Variants in ABCC10 observed in about 807,000 individuals in gnomAD.
ABCC10 encodes the protein ATP binding cassette subfamily C member 10.
ABCC10 carries 110 observed loss-of-function variants against 143.2 expected under a neutral mutation model. That is an observed-to-expected ratio of 0.77 (90% CI 0.66 to 0.90). ABCC10 has a LOEUF of 0.90. Ranked by LOEUF, ABCC10 falls within the 40% of genes least tolerant of loss-of-function variation. The pLI is 0.00. For synonymous variants in ABCC10, 805 were observed against 846.7 expected (o/e 0.95, Z 0.85); for missense variants, 1,700 against 1,900.5 (o/e 0.89, Z 1.96).
chr6:43,435,813 GA>G lies in ABCC10; in HGVS notation c.1672del (p.Ile558SerfsTer66). ...ILPLNNFPWV[I>X]NGLLEAKVSL... Reference sequence around the variant, plus strand: ...TTCCTCTCAACAACTTCCCTTGGGTGATCAATGGTCTCCTGGAGGCCAAAGT... The same window carrying G: ...TTCCTCTCAACAACTTCCCTTGGGTGTCAATGGTCTCCTGGAGGCCAAAGT... On this transcript the variant is annotated frameshift_variant, in exon 5 of 22. Transcript: ENST00000372530. LOFTEE classifies it high-confidence loss of function. 2 of 1,614,222 alleles carry G rather than the reference GA, an allele frequency of 1.2e-6. No homozygotes were observed. Among genetic ancestry groups the G allele is most frequent in the Non-Finnish European group, 1.7e-6 (2 of 1,180,044 alleles).
rs770257218 is a variant in ABCC10 at position 43,432,623 on chromosome 6, G to A, written c.643G>A (p.Glu215Lys). Reference sequence around the variant, plus strand: ...CGAGGATCAAGAACCTGAGGTGGCTGAAGATGGGGAGAGTTGGCTGTCACG... The same window carrying A: ...CGAGGATCAAGAACCTGAGGTGGCTAAAGATGGGGAGAGTTGGCTGTCACG... Reference protein sequence around the residue: ...LPEDQEPEVAEDGESWLSRFS... With the variant: ...LPEDQEPEVAKDGESWLSRFS... Residue 215 changes from glutamate to lysine, a missense_variant, in exon 3 of 22, where the codon GAA becomes AAA. Physicochemically the swap from Glu to Lys is moderately conservative, Grantham distance 56. Coordinates refer to ENST00000372530, the MANE Select transcript of ABCC10 (RefSeq NM_001198934.2). 2 of 1,613,808 alleles carry A rather than the reference G, an allele frequency of 1.2e-6. No homozygotes were observed. The highest frequency in any genetic ancestry group is 1.7e-6 in the Non-Finnish European group (2 of 1,180,042).
At position 43,448,999 on chromosome 6, in the gene ABCC10, C is replaced by T. The variant is rs1322281125; in HGVS notation, c.4078C>T (p.His1360Tyr). The T allele has an allele frequency of 6.2e-7, 1 of 1,613,974 alleles. No individual in the cohort carries two copies. The highest frequency in any genetic ancestry group is 8.5e-7 in the Non-Finnish European group (1 of 1,179,968). Reference protein sequence around the residue: ...RALWQALKQCHLSEVITSMGG... With the variant: ...RALWQALKQCYLSEVITSMGG... ...CTTGTGGCAGGCCCTGAAGCAGTGCCACCTGAGTGAGGTGATTACATCCAT... is the reference window on the plus strand; with the variant it reads ...CTTGTGGCAGGCCCTGAAGCAGTGCTACCTGAGTGAGGTGATTACATCCAT... Residue 1360 changes from histidine (H) to tyrosine (Y), a missense_variant, in exon 19 of 22, where the codon CAC becomes TAC. By Grantham distance (83) the His-to-Tyr change is moderately conservative. Coordinates refer to ENST00000372530, the MANE Select transcript of ABCC10 (RefSeq NM_001198934.2).
chr6:43,445,776 C>T lies in ABCC10; in HGVS notation c.3208C>T (p.Leu1070=). The T allele has an allele frequency of 6.2e-7, 1 of 1,614,156 alleles. No individual in the cohort carries two copies. The highest frequency in any genetic ancestry group is 8.5e-7 in the Non-Finnish European group (1 of 1,180,036). The change falls in exon 15 of 22, where the codon CTG becomes TTG. Residue 1070 remains leucine, a synonymous_variant. Transcript: ENST00000372530. ...LGSGLPWLLL[L]LPPLSIMYYH... ...CTCTGGCCTGCCCTGGCTGCTGCTC[C>T]TGCTGCCGCCTTTGAGCATCATGTA...
rs527956667 is a variant in ABCC10 at position 43,444,938 on chromosome 6, A to G, written c.2840A>G (p.Tyr947Cys). 2.5e-6 allele frequency: 4 copies of G among 1,610,138 alleles called. No individual in the cohort carries two copies. The South Asian group carries it at 4.4e-5, about 18-fold the overall frequency. The change falls in exon 13 of 22, where the codon TAC becomes TGC. Residue 947 changes from tyrosine (Y) to cysteine (C), a missense_variant and splice_region_variant. Physicochemically the swap from Tyr to Cys is radical, Grantham distance 194. Coordinates refer to ENST00000372530, the MANE Select transcript of ABCC10 (RefSeq NM_001198934.2). The part of the protein sequence containing the change: ...QLLLFSPGNL[Y>C]IPVFPLPKAA... ...CTCCTCTTTTCCCCTGGAAACCTCT[A>G]GTGAGTGGCTGGGGCTGGGGGTAGG...
At chr6:43,436,323 C>T (rs925662221) in intron 6 of ABCC10, 76 bp downstream of exon 6, 5 of 1,531,734 alleles carry the variant, frequency 3.3e-6, no homozygotes, top group African/African-American at 2.7e-5. Context: ...GAAGCAGTGA[C>T]CGAGCCAATC....
intron 16 of ABCC10, 41 bp from the exon 17 acceptor site, chr6:43,447,207 G>A: frequency 3.8e-6 from 6 of 1,596,532 alleles, no homozygotes; most frequent in Non-Finnish European, 5.1e-6. Context: ...AAACGTCCCG[G>A]TGTCCAAGCT....
chr6:43,431,936 A>T, intron 2 of ABCC10: 1 of 1,405,048 alleles, frequency 7.1e-7, no homozygotes, highest in South Asian at 1.7e-5. Flanking sequence ...CGGTTAGCTC[A>T]GTTGGTCAGA....
Position 43,444,957 on chromosome 6 carries a change from G to GGGTA in ABCC10, c.2840+22_2840+25dup, listed in dbSNP as rs757578146. 8 of 1,601,772 alleles carry GGGTA rather than the reference G, an allele frequency of 5.0e-6. No individual in the cohort carries two copies. The highest frequency in any genetic ancestry group is 6.8e-6 in the Non-Finnish European group (8 of 1,173,448). ...ACCTCTAGTGAGTGGCTGGGGCTGG[G>GGGTA]GGTAGGCCTGGTGCTCTCAGAGTGG... On this transcript the variant is annotated intron_variant, in intron 13 of 21. Transcript: ENST00000372530.
At chr6:43,433,451 A>G (rs2127385720) in intron 3 of ABCC10, 91 bp downstream of exon 3, 2 of 1,455,298 alleles carry the variant, frequency 1.4e-6, no homozygotes, top group South Asian at 1.5e-5. Context: ...TGAGGGAGTG[A>G]GAGTGACCTC....
In ABCC10 at chr6:43,434,660, T is replaced by C. The variant is rs1781492987; in HGVS notation, c.1420T>C (p.Phe474Leu). 1 of 1,613,988 alleles carries C rather than the reference T, an allele frequency of 6.2e-7. No homozygotes were observed. The highest frequency in any genetic ancestry group is 1.3e-5 in the African/African-American group (1 of 74,908). Residue 474 changes from phenylalanine to leucine, a missense_variant, in exon 4 of 22, where the codon TTC becomes CTC. Coordinates refer to ENST00000372530, the MANE Select transcript of ABCC10 (RefSeq NM_001198934.2). ...ELLSGIRVIK[F>L]CGWEQALGAR... is the part of the protein sequence containing the mutation. Reference sequence around the variant, plus strand: ...GCTGAGTGGCATTCGGGTCATCAAGTTCTGCGGGTGGGAGCAGGCACTGGG... The same window carrying C: ...GCTGAGTGGCATTCGGGTCATCAAGCTCTGCGGGTGGGAGCAGGCACTGGG...
chr6:43,441,835 G>A (rs754209824), intron 8 of ABCC10, 27 bp from the exon 9 acceptor site: 7 of 1,597,970 alleles, frequency 4.4e-6, no homozygotes, highest in African/African-American at 4.0e-5. Flanking sequence ...GGAGCTCCCT[G>A]ACCCACTGGG....
chr6:43,450,038 C>T lies in ABCC10; in HGVS notation c.4426C>T (p.Gln1476Ter), dbSNP rs753806697. Residue 1476 changes from glutamine (Q) to a stop codon, truncating the protein, a stop_gained, in exon 22 of 22, where the codon CAG (glutamine) becomes TAG (stop). Coordinates refer to ENST00000372530, the MANE Select transcript of ABCC10 (RefSeq NM_001198934.2). LOFTEE classifies it high-confidence loss of function. This position sits in a 1 kb window ranked among gnomAD's most constrained non-coding sequence, Gnocchi z 4.5. The part of the protein sequence containing the change: ...LRNQPHSLFQ[Q>*]LLQSSQQGVP... ...CAACCAGCCCCACTCCCTGTTCCAG[C>T]AGCTGCTGCAGAGCAGCCAGCAGGG... 4 of 1,612,166 alleles carry T rather than the reference C, an allele frequency of 2.5e-6. No individual in the cohort carries two copies. In the Admixed American group the frequency reaches 6.7e-5, roughly 27 times the overall value.
rs745792705 is a variant in ABCC10, at chr6:43,447,349, G to A, written c.3646G>A (p.Glu1216Lys). 51 of 1,613,094 alleles carry A rather than the reference G, an allele frequency of 3.2e-5. No individual in the cohort carries two copies. The highest frequency in any genetic ancestry group is 4.5e-5 in the East Asian group (2 of 44,880). Residue 1216 changes from glutamate (E) to lysine (K), a missense_variant, in exon 17 of 22, where the codon GAG becomes AAG. Physicochemically the swap from Glu to Lys is moderately conservative, Grantham distance 56 (BLOSUM62 1). Transcript: ENST00000372530. The stretch of plus-strand genomic sequence containing the variant: ...GACAGAGGCCATGCTGGTGAGCGTC[G>A]AGCGGCTGGAAGAGTACACCTGTGA... ...TQTEAMLVSV[E>K]RLEEYTCDLP...
rs746564204 is a variant in ABCC10 at position 43,449,974 on chromosome 6, G to C, written c.4362G>C (p.Ala1454=). The change falls in exon 22 of 22, where the codon GCG becomes GCC. Residue 1454 remains alanine, a synonymous_variant. Coordinates refer to ENST00000372530, the MANE Select transcript of ABCC10 (RefSeq NM_001198934.2). The part of the protein sequence containing the change: ...LNSDRVLVLQ[A]GRVVELDSPA... The stretch of plus-strand genomic sequence containing the variant: ...CAGACCGGGTGCTGGTGCTACAAGC[G>C]GGGAGAGTGGTAGAGCTGGACTCCC... 2.5e-6 allele frequency: 4 copies of C among 1,613,956 alleles called. No homozygotes were observed. The highest frequency in any genetic ancestry group is 2.2e-5 in the East Asian group (1 of 44,870).
At chr6:43,429,400 G>GTA (rs1780879319) in intron 2 of ABCC10, among the ~76,000 whole-genome samples, 1 of 45,740 alleles carries the variant, frequency 2.2e-5, no homozygotes, top group African/African-American at 8.2e-5. Context: ...GTGTGTGTGT[G>GTA]TGTGTGTGTG....
At chr6:43,428,532 T>C (rs979267378) in intron 2 of ABCC10, among the ~76,000 whole-genome samples, 1 of 152,176 alleles carries the variant, frequency 6.6e-6, no homozygotes, top group Non-Finnish European at 1.5e-5. Flanking sequence ...GTAGGCTCAG[T>C]TTCTCACCAC....
In ABCC10 at chr6:43,434,877, A is replaced by G. The variant is rs539800313; in HGVS notation, c.1608+29A>G. On this transcript the variant is annotated intron_variant, in intron 4 of 21. Transcript: ENST00000372530. ...AGGACCAGGAAGGAAGGGGACCAGC[A>G]TCAAGGAGACTTCAGCGAAGTGAAG... The G allele has an allele frequency of 8.1e-6, 13 of 1,603,566 alleles. No homozygotes were observed. In the African/African-American group the frequency reaches 1.6e-4, roughly 20 times the overall value.
Position 43,427,702 on chromosome 6 carries a change from T to A in ABCC10, c.-67T>A. On this transcript the variant is annotated 5_prime_UTR_variant, in exon 1 of 22. It adds an upstream start codon to the 5' untranslated region. Transcript: ENST00000372530. ...CCGGTGCACAGCAGCTTCTTCAGGT[T>A]TGAGGTTCCGGATGCCTGGGGGCGG... 1 of 548,700 alleles carries A rather than the reference T, an allele frequency of 1.8e-6. No homozygotes were observed. The allele number at this position is 548,700 out of a possible 1,614,324, so 34.0% of individuals were successfully genotyped here.
At chr6:43,451,767 AAAG>A (rs1783756055), downstream of ABCC10, among the ~76,000 whole-genome samples, 1 of 152,164 alleles carries the variant, frequency 6.6e-6, no homozygotes, top group Non-Finnish European at 1.5e-5. The surrounding 1 kb of genome is among the most constrained non-coding windows in gnomAD (Gnocchi z 4.4). Context: ...TACAAAAAAA[AAAG>A]TTGAGAAACC....
Sources: gnomAD v4.1 joint callset for allele counts (sites outside exome capture counted in the v4.1 genomes callset) on GRCh38, gnomAD v4.1.1 for gene constraint, Gnocchi (gnomAD v3.1) non-coding constraint, MANE v1.5 for transcripts, NCBI Gene and HGNC (gene_info 2026-07-23, HGNC 2026-07-21) for gene names.